DAD1: variants seen among roughly 807,000 people sequenced by gnomAD.
DAD1 encodes defender against cell death 1, also known as dolichyl-diphosphooligosaccharide--protein glycosyltransferase subunit DAD1.
DAD1 carries 4 observed loss-of-function variants against 9.0 expected under a neutral mutation model. The observed-to-expected ratio is 0.44, with a 90% CI of 0.22 to 1.01. The LOEUF (loss-of-function observed/expected upper bound fraction) is 1.01, where lower values mean the gene tolerates loss of function less well. Among genes scored for constraint, DAD1 ranks in the 50% least tolerant of loss-of-function variants. DAD1 has a pLI of 0.24. For missense variants in DAD1, 119 were observed against 137.3 expected, an observed-to-expected ratio of 0.87 and a Z score of 0.67; for synonymous variants, 60 against 62.5, an observed-to-expected ratio of 0.96 and a Z score of 0.19.
At chr14:22,578,752 G>A (rs556743956) in intron 1 of DAD1, among the ~76,000 whole-genome samples, 34 of 152,178 alleles carry the variant, frequency 2.2e-4, no homozygotes, top group African/African-American at 7.2e-4. Flanking sequence ...TGGTTAGACA[G>A]GTACATTTAA....
At chr14:22,585,292 GTT>G (rs5742753) in intron 1 of DAD1, among the ~76,000 whole-genome samples, 6,173 of 152,254 alleles carry the variant, frequency 0.041, 388 homozygotes, top group African/African-American at 0.13. Context: ...ATTAAAACTT[GTT>G]TCAAGACCAA....
At chr14:22,585,243 A>G (rs965744631) in intron 1 of DAD1, among the ~76,000 whole-genome samples, 1 of 152,242 alleles carries the variant, frequency 6.6e-6, no homozygotes, top group African/African-American at 2.4e-5. Flanking sequence ...ATTACCTCAT[A>G]TAGATTAGAG....
intron 2 of DAD1, among the ~76,000 whole-genome samples, chr14:22,567,862 G>A (rs2139235017): frequency 6.6e-6 from 1 of 152,228 alleles, no homozygotes; most frequent in Admixed American, 6.5e-5. Flanking sequence ...GGCCAACTAT[G>A]CAGAAACATT....
chr14:22,582,709 T>G (rs1444963156), intron 1 of DAD1, among the ~76,000 whole-genome samples: 1 of 151,682 alleles, frequency 6.6e-6, no homozygotes, highest in East Asian at 2.0e-4. Context: ...AATTTCTTCA[T>G]TTAAAAACAC....
At chr14:22,582,585 T>C (rs560416709) in intron 1 of DAD1, among the ~76,000 whole-genome samples, 3 of 152,192 alleles carry the variant, frequency 2.0e-5, no homozygotes, top group South Asian at 2.1e-4. Context: ...CTCAGGGGAA[T>C]GGTAGTAAAA....
At position 22,575,145 on chromosome 14, in the gene DAD1, G is replaced by A; in HGVS notation, c.300C>T (p.Ala100=). 1.2e-6 allele frequency: 2 copies of A among 1,614,140 alleles called. No individual in the cohort carries two copies. The highest frequency in any genetic ancestry group is 1.7e-6 in the Non-Finnish European group (2 of 1,179,998). ...TGACAACAAGGTGCAGGATGGTGCTGGCAAAGAGAAAATCAGCAAAGGCTC... is the reference window on the plus strand; with the variant it reads ...TGACAACAAGGTGCAGGATGGTGCTAGCAAAGAGAAAATCAGCAAAGGCTC... The part of the protein sequence containing the change: ...PERAFADFLF[A]STILHLVVMN... Residue 100 remains alanine, a synonymous_variant, in exon 2 of 3, where the codon GCC becomes GCT. Transcript: ENST00000250498.
At chr14:22,574,622 G>A (rs1271072522) in intron 2 of DAD1, among the ~76,000 whole-genome samples, 1 of 152,118 alleles carries the variant, frequency 6.6e-6, no homozygotes, top group African/African-American at 2.4e-5. Context: ...AATGCCCACA[G>A]TCATTCATCC....
rs1003034144 is a variant in DAD1, at chr14:22,574,930, G to A, written c.*44+129C>T. On this transcript the variant is annotated intron_variant, in intron 2 of 2. Transcript: ENST00000250498. ...TGATGATATTAATGCATACTTTGCAGACCAATGGAAAATTCTGCAAATGTC... is the reference window on the plus strand; with the variant it reads ...TGATGATATTAATGCATACTTTGCAAACCAATGGAAAATTCTGCAAATGTC... 4 of 720,284 alleles carry A rather than the reference G, an allele frequency of 5.6e-6. No individual in the cohort carries two copies. In the African/African-American group the frequency reaches 7.1e-5, roughly 13 times the overall value. The allele number at this position is 720,284 out of a possible 1,614,324, so 44.6% of individuals were successfully genotyped here. A position where few individuals can be genotyped will look rare whatever the true frequency, so the allele number is the denominator to read the frequency against.
chr14:22,574,981 C>A (rs2037066442), intron 2 of DAD1, 78 bp downstream of exon 2: 1 of 1,313,436 alleles, frequency 7.6e-7, no homozygotes, highest in East Asian at 2.3e-5. Context: ...GCCTGGCCAA[C>A]CATGATCAAA....
chr14:22,571,777 C>T (rs2037042839), intron 2 of DAD1, among the ~76,000 whole-genome samples: 2 of 151,916 alleles, frequency 1.3e-5, no homozygotes, highest in African/African-American at 2.4e-5. Context: ...TTACAGGCAC[C>T]GGCCACCACG....
chr14:22,567,504 A>C (rs1431805550), intron 2 of DAD1, among the ~76,000 whole-genome samples: 1 of 152,252 alleles, frequency 6.6e-6, no homozygotes, highest in Non-Finnish European at 1.5e-5. Context: ...TTTAGAGATC[A>C]GCTTCTTTAA....
chr14:22,587,752 T>C (rs943359542), intron 1 of DAD1, among the ~76,000 whole-genome samples: 1 of 151,952 alleles, frequency 6.6e-6, no homozygotes, highest in Non-Finnish European at 1.5e-5. Context: ...TTTTTTTTTT[T>C]TTTTTTGAGG....
intron 1 of DAD1, among the ~76,000 whole-genome samples, chr14:22,577,191 T>C (rs2037083112): frequency 6.6e-6 from 1 of 152,180 alleles, no homozygotes; most frequent in South Asian, 2.1e-4. Context: ...CCCAGCACTT[T>C]GGGAGGCTGA....
At chr14:22,583,880 C>A (rs758514923) in intron 1 of DAD1, among the ~76,000 whole-genome samples, 9 of 151,678 alleles carry the variant, frequency 5.9e-5, no homozygotes, top group Non-Finnish European at 8.8e-5. Context: ...TTATCTACTT[C>A]TTTTTTTTAG....
At chr14:22,576,358 G>C (rs1026164813) in intron 1 of DAD1, among the ~76,000 whole-genome samples, 1 of 152,034 alleles carries the variant, frequency 6.6e-6, no homozygotes, top group South Asian at 2.1e-4. Flanking sequence ...CCACTCAATG[G>C]GGAAACAGTC....
rs545599180 is a variant in DAD1, at chr14:22,581,512, C to A, written c.212-6279G>T. 2.0e-5 allele frequency among the ~76,000 whole-genome samples: 3 copies of A among 151,486 alleles called. No homozygotes were observed. In the East Asian group the frequency reaches 5.9e-4, roughly 30 times the overall value. Reference sequence around the variant, plus strand: ...ATCCCAGCACTTTGGGAGGTCGAGGCGGGTGGATAACCTGAGGTCGGGAGT... The same window carrying A: ...ATCCCAGCACTTTGGGAGGTCGAGGAGGGTGGATAACCTGAGGTCGGGAGT... On this transcript the variant is annotated intron_variant, in intron 1 of 2. Coordinates refer to ENST00000250498, the MANE Select transcript of DAD1 (RefSeq NM_001344.4).
intron 1 of DAD1, among the ~76,000 whole-genome samples, chr14:22,577,939 T>C (rs1273261193): frequency 6.6e-6 from 1 of 152,362 alleles, no homozygotes; most frequent in African/African-American, 2.4e-5. Context: ...AATTTTGTCA[T>C]GTTTTATCTT....
intron 1 of DAD1, among the ~76,000 whole-genome samples, chr14:22,585,013 G>A (rs547046247): frequency 1.3e-5 from 2 of 152,352 alleles, no homozygotes; most frequent in African/African-American, 4.8e-5. Context: ...TCAGGCACAT[G>A]GGTGGCAAAC....
At chr14:22,572,488 T>C (rs1419169965) in intron 2 of DAD1, among the ~76,000 whole-genome samples, 1 of 152,174 alleles carries the variant, frequency 6.6e-6, no homozygotes, top group Non-Finnish European at 1.5e-5. Context: ...TCTATGAACA[T>C]ACTCTCCATA....
Sources: allele counts gnomAD v4.1 joint callset (sites outside exome capture counted in the v4.1 genomes callset), GRCh38; gene constraint gnomAD v4.1.1; transcripts MANE v1.5; gene names NCBI Gene and HGNC (gene_info 2026-07-23, HGNC 2026-07-21).